SEMA3A: variants seen among roughly 807,000 people sequenced by gnomAD.
SEMA3A encodes semaphorin 3A.
SEMA3A carries 29 observed loss-of-function variants against 97.9 expected under a neutral mutation model. That is an observed-to-expected ratio of 0.30 (90% CI 0.22 to 0.40). The LOEUF (loss-of-function observed/expected upper bound fraction) is 0.40. Among genes scored for constraint, SEMA3A ranks in the 10% least tolerant of loss-of-function variants. SEMA3A has a pLI of 1.00. For synonymous variants in SEMA3A, 321 were observed against 323.7 expected (o/e 0.99, Z 0.09); for missense variants, 763 against 951.3 (o/e 0.80, Z 2.60).
At chr7:84,448,662 A>T (rs1805486381) in intron 1 of SEMA3A, among the ~76,000 whole-genome samples, 2 of 152,102 alleles carry the variant, frequency 1.3e-5, no homozygotes, top group Non-Finnish European at 1.5e-5. Context: ...AATGAACATT[A>T]AAAAAAGTAA....
chr7:84,113,747 C>A (rs1795343080), intron 3 of SEMA3A, among the ~76,000 whole-genome samples: 1 of 152,054 alleles, frequency 6.6e-6, no homozygotes, highest in African/African-American at 2.4e-5. Flanking sequence ...ACCATATTGA[C>A]CTCTTATTTT....
intron 3 of SEMA3A, among the ~76,000 whole-genome samples, chr7:84,127,503 C>A (rs994848707): frequency 6.6e-6 from 1 of 152,066 alleles, no homozygotes; most frequent in African/African-American, 2.4e-5. Context: ...TGCAGCAGTA[C>A]CCCTGAATAA....
At chr7:84,329,824 T>A (rs577126769) in intron 2 of SEMA3A, among the ~76,000 whole-genome samples, 153 of 152,220 alleles carry the variant, frequency 1.0e-3, no homozygotes, top group Middle Eastern at 3.4e-3. Flanking sequence ...TTATATCACA[T>A]ACTTGCACTT....
intron 1 of SEMA3A, among the ~76,000 whole-genome samples, chr7:84,488,433 T>C (rs2116448429): frequency 6.6e-6 from 1 of 152,142 alleles, no homozygotes; most frequent in South Asian, 2.1e-4. Context: ...GATAGTCCTA[T>C]TGAATAACTG....
At chr7:84,378,444 C>G (rs1803164816) in intron 1 of SEMA3A, among the ~76,000 whole-genome samples, 1 of 152,020 alleles carries the variant, frequency 6.6e-6, no homozygotes, top group Admixed American at 6.6e-5. Context: ...TCATTCTCTG[C>G]AAACTAACAC....
At chr7:84,031,047 C>A (rs1261690159) in intron 6 of SEMA3A, among the ~76,000 whole-genome samples, 1 of 129,814 alleles carries the variant, frequency 7.7e-6, no homozygotes, top group Non-Finnish European at 1.5e-5. Flanking sequence ...GGCTGGAGTG[C>A]AGTGGTGCCA....
chr7:83,972,981 C>T (rs529880726), intron 15 of SEMA3A, among the ~76,000 whole-genome samples: 11 of 152,250 alleles, frequency 7.2e-5, no homozygotes, highest in East Asian at 3.9e-4. Context: ...GATTCTAAGA[C>T]GCACACTTCT....
At chr7:84,088,832 T>C (rs1047411382) in intron 4 of SEMA3A, among the ~76,000 whole-genome samples, 9 of 152,124 alleles carry the variant, frequency 5.9e-5, no homozygotes, top group African/African-American at 2.2e-4. Flanking sequence ...TTAAGTTACT[T>C]GCAGCCATGA....
At chr7:84,199,089 C>T (rs139253124), upstream of SEMA3A, among the ~76,000 whole-genome samples, 14 of 152,194 alleles carry the variant, frequency 9.2e-5, no homozygotes, top group East Asian at 2.3e-3. Context: ...TTAAGAGCAG[C>T]GCTGTTTCCT....
At chr7:84,490,669 T>C (rs1396867745) in intron 1 of SEMA3A, among the ~76,000 whole-genome samples, 1 of 152,194 alleles carries the variant, frequency 6.6e-6, no homozygotes, top group Non-Finnish European at 1.5e-5. Context: ...ATGTGCAATA[T>C]AATACTACTT....
chr7:84,405,652 A>G (rs372354641), intron 1 of SEMA3A, among the ~76,000 whole-genome samples: 226 of 152,144 alleles, frequency 1.5e-3, no homozygotes, highest in Non-Finnish European at 2.4e-3. Flanking sequence ...GAAGTAAAGC[A>G]CTCCTCAGCA....
intron 2 of SEMA3A, among the ~76,000 whole-genome samples, chr7:84,130,143 A>T (rs1795921509): frequency 6.6e-6 from 1 of 152,006 alleles, no homozygotes; most frequent in African/African-American, 2.4e-5. Context: ...AGTTAATTTC[A>T]GTGGGAAAAA....
At chr7:84,254,306 T>G (rs1195993886) in intron 3 of SEMA3A, among the ~76,000 whole-genome samples, 3 of 152,184 alleles carry the variant, frequency 2.0e-5, no homozygotes, top group Non-Finnish European at 4.4e-5. Context: ...TTGCATTTCC[T>G]TAAGATAGCT....
At chr7:84,141,542 AT>A (rs1403080654) in intron 1 of SEMA3A, among the ~76,000 whole-genome samples, 1 of 152,124 alleles carries the variant, frequency 6.6e-6, no homozygotes, top group African/African-American at 2.4e-5. Context: ...CATGTGTAGC[AT>A]GTGCAGGTTT....
intron 3 of SEMA3A, among the ~76,000 whole-genome samples, chr7:84,113,050 C>T (rs1229856532): frequency 6.6e-6 from 1 of 152,168 alleles, no homozygotes; most frequent in African/African-American, 2.4e-5. Context: ...TGGGGGCAAG[C>T]TCAATATTAT....
At chr7:84,165,440 T>G (rs17158686) in intron 1 of SEMA3A, among the ~76,000 whole-genome samples, 9,718 of 152,170 alleles carry the variant, frequency 0.064, 380 homozygotes, top group East Asian at 0.19. Flanking sequence ...AAGCAAAGAT[T>G]TATTGAGTAC....
chr7:84,056,654 G>A (rs1012223424), intron 5 of SEMA3A, among the ~76,000 whole-genome samples: 11 of 151,424 alleles, frequency 7.3e-5, no homozygotes, highest in Admixed American at 2.0e-4. Flanking sequence ...CACAGAGCAC[G>A]GATGCAATCC....
At position 83,974,198 on chromosome 7, in the gene SEMA3A, G is replaced by A. The variant is rs115760402; in HGVS notation, c.1717+2934C>T. On this transcript the variant is annotated intron_variant, in intron 15 of 16. Transcript: ENST00000265362. ...AATCTCCCCTAGGTGACCAGCCACC[G>A]GCGACAGAGGAGAGTATCCTGGGAT... 9.9e-3 allele frequency among the ~76,000 whole-genome samples: 1,509 copies of A among 152,160 alleles called. 7 individuals are homozygous for A. The highest frequency in any genetic ancestry group is 0.02 in the Middle Eastern group (6 of 294).
chr7:84,076,077 T>A (rs1214650448), intron 4 of SEMA3A, among the ~76,000 whole-genome samples: 7 of 152,168 alleles, frequency 4.6e-5, no homozygotes, highest in African/African-American at 1.7e-4. Flanking sequence ...TGTATTAACA[T>A]AAGGAAGCAT....
Sources: gnomAD v4.1 joint callset for allele counts (sites outside exome capture counted in the v4.1 genomes callset) on GRCh38, gnomAD v4.1.1 for gene constraint, MANE v1.5 for transcripts, NCBI Gene and HGNC (gene_info 2026-07-23, HGNC 2026-07-21) for gene names.